Variants in EPB41L5 observed in about 807,000 individuals in gnomAD.
The protein encoded by EPB41L5 is band 4.1-like protein 5.
EPB41L5 carries 55 observed loss-of-function variants against 106.6 expected under a neutral mutation model. The ratio of observed to expected loss-of-function variants is 0.52; its 90% CI spans 0.42 to 0.65. The LOEUF (loss-of-function observed/expected upper bound fraction) is 0.65. Ranked by LOEUF, EPB41L5 falls within the 30% of genes least tolerant of loss-of-function variation. The pLI is 0.00. For missense variants in EPB41L5, 871 were observed against 882.1 expected, an observed-to-expected ratio of 0.99 and a Z score of 0.16; for synonymous variants, 297 against 306.7, an observed-to-expected ratio of 0.97 and a Z score of 0.33.
chr2:120,112,849 A>G (rs1240741384), intron 16 of EPB41L5, among the ~76,000 whole-genome samples: 1 of 152,168 alleles, frequency 6.6e-6, no homozygotes, highest in African/African-American at 2.4e-5. Flanking sequence ...AATCCTTATG[A>G]GGATCTATAA....
chr2:120,034,826 G>A (rs1160321846), intron 2 of EPB41L5, among the ~76,000 whole-genome samples: 2 of 152,188 alleles, frequency 1.3e-5, no homozygotes, highest in East Asian at 1.9e-4. Context: ...GCATGCCGCT[G>A]CACTGTAACC....
At chr2:120,094,103 C>T (rs554452606) in intron 14 of EPB41L5, among the ~76,000 whole-genome samples, 1 of 152,264 alleles carries the variant, frequency 6.6e-6, no homozygotes, top group East Asian at 1.9e-4. Flanking sequence ...CATCCCACCT[C>T]TGCCTCCCAA....
At chr2:120,025,607 G>T (rs990448132) in intron 2 of EPB41L5, among the ~76,000 whole-genome samples, 2 of 152,038 alleles carry the variant, frequency 1.3e-5, no homozygotes, top group Non-Finnish European at 2.9e-5. Context: ...GATGCTAAAG[G>T]CTTTAAATTA....
chr2:120,154,696 G>C (rs1686827951), intron 20 of EPB41L5, among the ~76,000 whole-genome samples: 1 of 152,042 alleles, frequency 6.6e-6, no homozygotes, highest in Non-Finnish European at 1.5e-5. Context: ...GGAGGCTGAG[G>C]TGGGCAGATC....
At chr2:120,084,128 T>G (rs1256011765) in intron 10 of EPB41L5, among the ~76,000 whole-genome samples, 2 of 152,218 alleles carry the variant, frequency 1.3e-5, no homozygotes, top group Non-Finnish European at 2.9e-5. Context: ...CATATGTGAA[T>G]TTGATCCTGT....
intron 2 of EPB41L5, 98 bp downstream of exon 2, chr2:120,019,362 G>A: frequency 8.5e-7 from 1 of 1,176,088 alleles, no homozygotes; most frequent in Non-Finnish European, 1.2e-6. Context: ...ATGGAAATAA[G>A]TAAAGGTATT....
chr2:120,081,853 T>G (rs1682693037), intron 10 of EPB41L5, among the ~76,000 whole-genome samples: 1 of 152,164 alleles, frequency 6.6e-6, no homozygotes, highest in East Asian at 1.9e-4. Context: ...TCCTAGGTAT[T>G]TTATTCTCTT....
chr2:120,156,907 C>T (rs1558911589), intron 20 of EPB41L5, among the ~76,000 whole-genome samples: 2 of 152,160 alleles, frequency 1.3e-5, no homozygotes, highest in Non-Finnish European at 2.9e-5. Context: ...CAAAGATATT[C>T]AGGGCCTGAA....
At chr2:120,075,356 T>A in intron 5 of EPB41L5, 120 bp from the exon 6 acceptor site, 1 of 756,638 alleles carries the variant, frequency 1.3e-6, no homozygotes, top group South Asian at 1.6e-5. Context: ...TATGCACATC[T>A]TTTATACATT....
intron 10 of EPB41L5, among the ~76,000 whole-genome samples, chr2:120,083,669 C>G (rs188465406): frequency 8.5e-4 from 130 of 152,206 alleles, no homozygotes; most frequent in African/African-American, 2.7e-3. Context: ...TGTTAACTTT[C>G]TGTCTCGATC....
intron 16 of EPB41L5, among the ~76,000 whole-genome samples, chr2:120,107,093 G>A (rs1684498054): frequency 6.6e-6 from 1 of 150,670 alleles, no homozygotes; most frequent in Non-Finnish European, 1.5e-5. Context: ...TCTTTTCATT[G>A]TTGTTCACTG....
intron 20 of EPB41L5, among the ~76,000 whole-genome samples, chr2:120,157,750 C>G (rs1483879940): frequency 7.7e-6 from 1 of 129,074 alleles, no homozygotes; most frequent in Non-Finnish European, 1.6e-5. Flanking sequence ...ACCTGGGAAA[C>G]GGAGTGAGAC....
At chr2:120,030,493 T>G (rs969029722) in intron 2 of EPB41L5, among the ~76,000 whole-genome samples, 2 of 152,170 alleles carry the variant, frequency 1.3e-5, no homozygotes, top group Non-Finnish European at 2.9e-5. Context: ...ACCCCTATGA[T>G]TCCATCTTCA....
At chr2:120,070,119 A>C (rs749080907) in intron 3 of EPB41L5, among the ~76,000 whole-genome samples, 14 of 152,196 alleles carry the variant, frequency 9.2e-5, no homozygotes, top group Non-Finnish European at 1.9e-4. Flanking sequence ...GAGAATAATC[A>C]AATAGACAAT....
intron 24 of EPB41L5, among the ~76,000 whole-genome samples, chr2:120,170,705 C>T (rs1338976123): frequency 6.6e-6 from 1 of 152,206 alleles, no homozygotes; most frequent in Non-Finnish European, 1.5e-5. Context: ...GTCCTTTCCA[C>T]ACCCAAGGGC....
intron 16 of EPB41L5, among the ~76,000 whole-genome samples, chr2:120,101,168 A>C (rs908560691): frequency 6.6e-6 from 1 of 152,248 alleles, no homozygotes; most frequent in Non-Finnish European, 1.5e-5. Flanking sequence ...TCCGTAAGGA[A>C]AGTATATCCA....
At chr2:120,155,758 C>G (rs1686872810) in intron 20 of EPB41L5, among the ~76,000 whole-genome samples, 3 of 151,774 alleles carry the variant, frequency 2.0e-5, no homozygotes, top group Non-Finnish European at 4.4e-5. Flanking sequence ...ACTATTCTGC[C>G]TGCTTGAATC....
chr2:120,025,160 C>A (rs1043533015), intron 2 of EPB41L5, among the ~76,000 whole-genome samples: 1 of 152,150 alleles, frequency 6.6e-6, no homozygotes, highest in Admixed American at 6.5e-5. Context: ...TAATTGCTGC[C>A]TCTATATCAG....
At position 120,176,785 on chromosome 2, in the gene EPB41L5, G is replaced by A. The variant is rs535436575; in HGVS notation, c.*1878G>A. 1 of 152,190 alleles carries A rather than the reference G, an allele frequency of 6.6e-6. No homozygotes were observed. 9.4% of individuals were successfully genotyped at this position (152,190 alleles called of 1,614,324 possible). On this transcript the variant is annotated 3_prime_UTR_variant, in exon 25 of 25. Coordinates refer to ENST00000263713, the MANE Select transcript of EPB41L5 (RefSeq NM_020909.4). Reference sequence around the variant, plus strand: ...TTACCGTTGTGCTGCTCACCACAGAGCAGCTGAGGCATTATGCCTTGGAAG... The same window carrying A: ...TTACCGTTGTGCTGCTCACCACAGAACAGCTGAGGCATTATGCCTTGGAAG...
Sources: allele counts gnomAD v4.1 joint callset (sites outside exome capture counted in the v4.1 genomes callset), GRCh38; gene constraint gnomAD v4.1.1; transcripts MANE v1.5; gene names NCBI Gene and HGNC (gene_info 2026-07-23, HGNC 2026-07-21).